CD22: variants seen among roughly 807,000 people sequenced by gnomAD.
The protein encoded by CD22 is CD22 molecule.
In CD22, 51 loss-of-function variants were observed where a neutral mutation model predicts 94.7. That is an observed-to-expected ratio of 0.54 (90% CI 0.43 to 0.68). The LOEUF (loss-of-function observed/expected upper bound fraction) is 0.68, where lower values mean the gene tolerates loss of function less well. Ranked by LOEUF, CD22 falls within the 30% of genes least tolerant of loss-of-function variation. The pLI is 0.00. For missense variants in CD22, 931 were observed against 1,060.4 expected (o/e 0.88, Z 1.69); for synonymous variants, 424 against 422.5 (o/e 1.00, Z -0.04).
chr19:35,336,090 A>G lies in CD22; in HGVS notation c.467A>G (p.Glu156Gly). ...CCTCCAGAAATTCAAGAGTCCCAGG[A>G]AGTCACTCTGACCTGCTTGCTGAAT... ...QLPPEIQESQ[E>G]VTLTCLLNFS... The change falls in exon 4 of 14, where the codon GAA (glutamate) becomes GGA (glycine). Residue 156 changes from glutamate to glycine, a missense_variant. Glu to Gly is a moderately conservative substitution (Grantham distance 98). Transcript: ENST00000085219. The G allele has an allele frequency of 1.2e-6, 2 of 1,613,988 alleles. No individual in the cohort carries two copies. The highest frequency in any genetic ancestry group is 1.7e-6 in the Non-Finnish European group (2 of 1,179,958).
chr19:35,332,077 A>G lies in CD22; in HGVS notation c.34+3A>G. 6.2e-7 allele frequency: 1 copy of G among 1,613,930 alleles called. No individual in the cohort carries two copies. Among genetic ancestry groups the G allele is most frequent in the Non-Finnish European group, 8.5e-7 (1 of 1,179,902 alleles). On this transcript the variant is annotated splice_donor_region_variant and intron_variant, in intron 2 of 13. Transcript: ENST00000085219. ...CGGCCCCTGGCTCCTGCTCCTGGGT[A>G]AGGACTGTGGCCTGGGCTAGTACTG...
chr19:35,338,906 G>A (rs550610076), intron 6 of CD22, among the ~76,000 whole-genome samples: 2 of 151,648 alleles, frequency 1.3e-5, no homozygotes, highest in African/African-American at 4.8e-5. Context: ...TGGGATTAGA[G>A]GCGTGAGCCA....
chr19:35,336,428 G>T, intron 4 of CD22, 87 bp downstream of exon 4: 2 of 1,352,588 alleles, frequency 1.5e-6, no homozygotes, highest in Admixed American at 4.1e-5. Context: ...CCAGGGCAGG[G>T]GGAAGCCTGC....
rs1362689705 is a variant in CD22, at chr19:35,346,182, C to G, written c.2359C>G (p.Pro787Ala). 4 of 1,613,548 alleles carry G rather than the reference C, an allele frequency of 2.5e-6. No homozygotes were observed. The highest frequency in any genetic ancestry group is 3.4e-6 in the Non-Finnish European group (4 of 1,179,648). Residue 787 changes from proline to alanine, a missense_variant, in exon 13 of 14, where the codon CCC (proline) becomes GCC (alanine). By Grantham distance (27) the Pro-to-Ala change is conservative (BLOSUM62 -1). Coordinates refer to ENST00000085219, the MANE Select transcript of CD22 (RefSeq NM_001771.4). Reference protein sequence around the residue: ...DAESSEMQRPPPDCDDTVTYS... With the variant: ...DAESSEMQRPAPDCDDTVTYS... ...AGAGTCCTCAGAGATGCAGAGACCT[C>G]CCCCGGACTGCGATGACACGGTCAC...
chr19:35,338,266 A>G lies in CD22; in HGVS notation c.1084A>G (p.Thr362Ala). ...CATGTCACTGGCCAATCCTCTTCCA[A>G]CAAATTACACGTGGTACCACAATGG... ...LCMSLANPLP[T>A]NYTWYHNGKE... Residue 362 changes from threonine (T) to alanine (A), a missense_variant, in exon 6 of 14, where the codon ACA (threonine) becomes GCA (alanine). Coordinates refer to ENST00000085219, the MANE Select transcript of CD22 (RefSeq NM_001771.4). 5 of 1,614,254 alleles carry G rather than the reference A, an allele frequency of 3.1e-6. No homozygotes were observed. The highest frequency in any genetic ancestry group is 2.2e-5 in the East Asian group (1 of 44,888).
rs1191844647 is a variant in CD22 at position 35,332,027 on chromosome 19, C to A, written c.-14C>A. The A allele has an allele frequency of 1.2e-6, 2 of 1,613,760 alleles. No individual in the cohort carries two copies. The highest frequency in any genetic ancestry group is 2.2e-5 in the South Asian group (2 of 91,082). On this transcript the variant is annotated 5_prime_UTR_variant, in exon 2 of 14. Transcript: ENST00000085219. ...AACTCTCCCCTGCTCAGGCTTGCAC[C>A]CAGACACGACACCATGCATCTCCTC...
At chr19:35,332,519 A>G (rs1412438133) in intron 2 of CD22, 28 bp from the exon 3 acceptor site, 1 of 1,564,046 alleles carries the variant, frequency 6.4e-7, no homozygotes, top group African/African-American at 1.4e-5. Flanking sequence ...ATGCCCCCTT[A>G]GTAATGCTTT....
intron 9 of CD22, among the ~76,000 whole-genome samples, chr19:35,344,230 C>T (rs1346965883): frequency 1.3e-5 from 2 of 152,232 alleles, no homozygotes; most frequent in African/African-American, 4.8e-5. Flanking sequence ...GAACCATCAC[C>T]AGCACGGCCG....
At chr19:35,345,445 AG>A in intron 11 of CD22, 156 bp from the exon 12 acceptor site, 9 of 515,896 alleles carry the variant, frequency 1.7e-5, no homozygotes, top group South Asian at 5.3e-5. Context: ...AAAAAAAAAA[AG>A]GGTAGGCATG....
At chr19:35,329,711 C>G in intron 1 of CD22, 1 of 160,866 alleles carries the variant, frequency 6.2e-6, no homozygotes, top group Non-Finnish European at 1.4e-5. Context: ...TGCTGGGATG[C>G]TCCAGCCCGT....
rs1254828058 is a variant in CD22, at chr19:35,338,154, GC to G, written c.986-9del. Reference sequence around the variant, plus strand: ...TCTCCTCACCCCTCCACTCGCCTCTGCCCCCTCTTCCAGATGCCCCGGAACC... The same window carrying G: ...TCTCCTCACCCCTCCACTCGCCTCTGCCCCTCTTCCAGATGCCCCGGAACC... On this transcript the variant is annotated splice_polypyrimidine_tract_variant and intron_variant, in intron 5 of 13. Coordinates refer to ENST00000085219, the MANE Select transcript of CD22 (RefSeq NM_001771.4). 1.2e-5 allele frequency: 20 copies of G among 1,601,772 alleles called. 1 individual carries two copies. In the South Asian group the frequency reaches 2.3e-4, roughly 18 times the overall value.
rs2066912363 is a variant in CD22 at position 35,346,598 on chromosome 19, A to T, written c.2445A>T (p.Pro815=). ...ATGAGAACGTCATTCCAGATTTTCC[A>T]GAAGATGAGGGGATTCATTACTCAG... The part of the protein sequence containing the change: ...GDYENVIPDF[P]EDEGIHYSEL... Residue 815 remains proline, a synonymous_variant, in exon 14 of 14, where the codon CCA becomes CCT. Transcript: ENST00000085219. 6.2e-7 allele frequency: 1 copy of T among 1,605,080 alleles called. No homozygotes were observed. Among genetic ancestry groups the T allele is most frequent in the Admixed American group, 1.7e-5 (1 of 58,694 alleles).
At position 35,336,735 on chromosome 19, in the gene CD22, C is replaced by T. The variant is rs539511241; in HGVS notation, c.718+394C>T. ...GGGCAGGGTGCAGCAGTGAGCAAAA[C>T]TCTTGCCCCACGCGGAGCCAGCGCT... On this transcript the variant is annotated intron_variant, in intron 4 of 13. Coordinates refer to ENST00000085219, the MANE Select transcript of CD22 (RefSeq NM_001771.4). 1.5e-4 allele frequency: 30 copies of T among 205,332 alleles called. No homozygotes were observed. The South Asian group carries it at 3.1e-3, about 21-fold the overall frequency. 12.7% of individuals were successfully genotyped at this position (205,332 alleles called of 1,614,324 possible).
Position 35,338,381 on chromosome 19 carries a change from A to T in CD22, c.1199A>T (p.Asn400Ile). ...HAGTYSCVAENILGTGQRGPG... is the reference protein window; with the variant it reads ...HAGTYSCVAEIILGTGQRGPG... ...GGGACTTATTCCTGTGTGGCAGAAA[A>T]CATTCTTGGTACTGGACAGAGGGGC... The change falls in exon 6 of 14, where the codon AAC becomes ATC. Residue 400 changes from asparagine to isoleucine, a missense_variant. Transcript: ENST00000085219. The T allele has an allele frequency of 2.5e-6, 4 of 1,614,078 alleles. No homozygotes were observed. The highest frequency in any genetic ancestry group is 3.4e-6 in the Non-Finnish European group (4 of 1,180,012).
chr19:35,341,492 G>T lies in CD22; in HGVS notation c.1657G>T (p.Glu553Ter), dbSNP rs768294030. ...WEKNGRLLGK[E>*]SQLNFDSISP... The stretch of plus-strand genomic sequence containing the variant: ...GAAAAATGGCAGGCTTCTGGGGAAA[G>T]AAAGCCAGCTGAATTTTGACTCCAT... Residue 553 changes from glutamate (E) to a stop codon, truncating the protein, a stop_gained, in exon 8 of 14, where the codon GAA (glutamate) becomes TAA (stop). Transcript: ENST00000085219. LOFTEE classifies it high-confidence loss of function. This position sits in a 1 kb window ranked among gnomAD's most constrained non-coding sequence, Gnocchi z 4.0. 6.2e-7 allele frequency: 1 copy of T among 1,614,188 alleles called. No homozygotes were observed.
chr19:35,345,434 A>C (rs1469521696), intron 11 of CD22, 168 bp from the exon 12 acceptor site: 87 of 548,276 alleles, frequency 1.6e-4, no homozygotes, highest in African/African-American at 1.5e-3. Context: ...AAAAAAAAAA[A>C]AAAAAAAAAA....
chr19:35,339,897 G>C (rs1020649697), intron 6 of CD22, among the ~76,000 whole-genome samples: 3 of 152,158 alleles, frequency 2.0e-5, no homozygotes, highest in African/African-American at 7.2e-5. Flanking sequence ...GACTCCATGA[G>C]GGACACAGAG....
intron 9 of CD22, among the ~76,000 whole-genome samples, chr19:35,342,882 C>A (rs918946692): frequency 1.2e-4 from 19 of 152,146 alleles, no homozygotes; most frequent in Non-Finnish European, 2.6e-4. Flanking sequence ...GTGATCACGG[C>A]TCACTGCAAG....
rs2066807192 is a variant in CD22 at position 35,341,445 on chromosome 19, A to G, written c.1610A>G (p.Lys537Arg). 2 of 1,613,948 alleles carry G rather than the reference A, an allele frequency of 1.2e-6. No individual in the cohort carries two copies. The highest frequency in any genetic ancestry group is 1.7e-5 in the Admixed American group (1 of 59,982). Reference protein sequence around the residue: ...LQCDFSSSHPKEVQFFWEKNG... With the variant: ...LQCDFSSSHPREVQFFWEKNG... Reference sequence around the variant, plus strand: ...TGTGACTTCTCAAGCAGCCACCCCAAAGAAGTCCAGTTCTTCTGGGAGAAA... The same window carrying G: ...TGTGACTTCTCAAGCAGCCACCCCAGAGAAGTCCAGTTCTTCTGGGAGAAA... The change falls in exon 8 of 14, where the codon AAA becomes AGA. Residue 537 changes from lysine (K) to arginine (R), a missense_variant. Coordinates refer to ENST00000085219, the MANE Select transcript of CD22 (RefSeq NM_001771.4). The surrounding 1 kb of genome is among the most constrained non-coding windows in gnomAD (Gnocchi z 4.0).
Sources: gnomAD v4.1 joint callset for allele counts (sites outside exome capture counted in the v4.1 genomes callset) on GRCh38, gnomAD v4.1.1 for gene constraint, Gnocchi (gnomAD v3.1) non-coding constraint, MANE v1.5 for transcripts, NCBI Gene and HGNC (gene_info 2026-07-23, HGNC 2026-07-21) for gene names.